The following TRDN variants were observed in gnomAD, a reference collection of about 807,000 sequenced individuals.
The protein encoded by TRDN is triadin in skeletal muscle.
TRDN carries 161 observed loss-of-function variants against 149.7 expected under a neutral mutation model. The observed-to-expected ratio is 1.08, with a 90% CI of 0.95 to 1.23. The LOEUF is 1.23. Among genes scored for constraint, TRDN ranks in the 50% most tolerant of loss-of-function variants. The probability of loss-of-function intolerance (pLI) is 0.00; values close to 1 mark genes in which losing one functional copy is unlikely to be tolerated. For synonymous variants in TRDN, 294 were observed against 250.5 expected, an observed-to-expected ratio of 1.17 and a Z score of -1.64; for missense variants, 896 against 823.5, an observed-to-expected ratio of 1.09 and a Z score of -1.08.
intron 38 of TRDN, among the ~76,000 whole-genome samples, chr6:123,236,820 T>A (rs1238962404): frequency 9.2e-5 from 14 of 152,112 alleles, no homozygotes; most frequent in Admixed American, 9.2e-4. Flanking sequence ...GCAAATCCCA[T>A]ACTCTTGTGA....
chr6:123,398,389 T>C (rs981333630), intron 12 of TRDN, among the ~76,000 whole-genome samples: 5 of 152,208 alleles, frequency 3.3e-5, no homozygotes, highest in Non-Finnish European at 1.5e-5. Context: ...AATTCATGTT[T>C]ATTAATTCAG....
chr6:123,310,891 G>A (rs2114688426), intron 24 of TRDN, among the ~76,000 whole-genome samples: 1 of 152,036 alleles, frequency 6.6e-6, no homozygotes, highest in South Asian at 2.1e-4. Context: ...AGCAGGAAGG[G>A]ACAAGTTAAC....
chr6:123,332,015 T>C (rs180940797), intron 22 of TRDN, 86 bp from the exon 23 acceptor site: 7 of 1,034,852 alleles, frequency 6.8e-6, no homozygotes, highest in Non-Finnish European at 6.9e-6. Context: ...GCTGAAAGTA[T>C]CAGTAAGCTG....
In TRDN at chr6:123,218,067, T is replaced by C. The variant is rs972259945; in HGVS notation, c.*534A>G. On this transcript the variant is annotated 3_prime_UTR_variant, in exon 41 of 41. Coordinates refer to ENST00000334268, the MANE Select transcript of TRDN (RefSeq NM_006073.4). ...CTGTAGTACAACTATTACCCATTCTTAGAGCAAAGCCACAACTAAAATAGA... is the reference window on the plus strand; with the variant it reads ...CTGTAGTACAACTATTACCCATTCTCAGAGCAAAGCCACAACTAAAATAGA... 8 of 151,966 alleles carry C rather than the reference T, an allele frequency of 5.3e-5. No individual in the cohort carries two copies. Among genetic ancestry groups the C allele is most frequent in the Non-Finnish European group, 1.0e-4 (7 of 67,978 alleles). 9.4% of individuals were successfully genotyped at this position (151,966 alleles called of 1,614,324 possible).
chr6:123,396,947 C>T (rs1772755544), intron 12 of TRDN, among the ~76,000 whole-genome samples: 1 of 151,920 alleles, frequency 6.6e-6, no homozygotes, highest in Non-Finnish European at 1.5e-5. Flanking sequence ...CTGTCAGCAG[C>T]CAGAATTGGT....
chr6:123,374,675 C>T (rs929021511), intron 19 of TRDN, among the ~76,000 whole-genome samples: 1 of 151,950 alleles, frequency 6.6e-6, no homozygotes, highest in African/African-American at 2.4e-5. Flanking sequence ...ACTTGGGAGG[C>T]TTAGGCAGGA....
At chr6:123,436,829 G>A (rs1242743938) in intron 12 of TRDN, among the ~76,000 whole-genome samples, 1 of 152,040 alleles carries the variant, frequency 6.6e-6, no homozygotes, top group Admixed American at 6.6e-5. Context: ...TAATAGCTGA[G>A]AGGAATTAGG....
chr6:123,231,524 G>A (rs532095288), intron 38 of TRDN, among the ~76,000 whole-genome samples: 7 of 152,018 alleles, frequency 4.6e-5, no homozygotes, highest in African/African-American at 1.7e-4. Context: ...ACCTACAATA[G>A]GTATAGAAAA....
intron 2 of TRDN, among the ~76,000 whole-genome samples, chr6:123,558,507 C>T (rs918229064): frequency 6.6e-6 from 1 of 152,132 alleles, no homozygotes; most frequent in Non-Finnish European, 1.5e-5. Flanking sequence ...TATCCCAAAT[C>T]AGTCAGCATT....
intron 26 of TRDN, among the ~76,000 whole-genome samples, chr6:123,277,874 C>CA (rs1277695799): frequency 6.6e-6 from 1 of 152,086 alleles, no homozygotes; most frequent in Non-Finnish European, 1.5e-5. Flanking sequence ...AATTATGAAA[C>CA]ATTAAACAAA....
chr6:123,506,701 C>T (rs566872997), intron 7 of TRDN, among the ~76,000 whole-genome samples: 1 of 151,984 alleles, frequency 6.6e-6, no homozygotes, highest in Admixed American at 6.6e-5. Flanking sequence ...GTTGGCCAGG[C>T]TGGTCTTGAA....
intron 9 of TRDN, among the ~76,000 whole-genome samples, chr6:123,481,585 A>G: frequency 6.6e-6 from 1 of 152,100 alleles, no homozygotes; most frequent in East Asian, 1.9e-4. Context: ...CCCACTTCAC[A>G]GGGCTTTGTG....
chr6:123,300,550 T>C (rs769482863), intron 24 of TRDN, among the ~76,000 whole-genome samples: 1 of 151,918 alleles, frequency 6.6e-6, no homozygotes, highest in Non-Finnish European at 1.5e-5. Flanking sequence ...ATTGTACCTG[T>C]CATAGACTGG....
chr6:123,604,832 CA>C (rs1784451510), intron 1 of TRDN, among the ~76,000 whole-genome samples: 1 of 86,298 alleles, frequency 1.2e-5, no homozygotes, highest in African/African-American at 3.9e-5. Flanking sequence ...GGTAAATAAA[CA>C]GACAGTGGTG....
rs951160318 is a variant in TRDN at position 123,497,377 on chromosome 6, T to C, written c.794-125A>G. ...CTATTTTGGTTACTACAATATTTTCTGTAAAAAAAATAATTTGCACTTATA... is the reference window on the plus strand; with the variant it reads ...CTATTTTGGTTACTACAATATTTTCCGTAAAAAAAATAATTTGCACTTATA... On this transcript the variant is annotated intron_variant, in intron 8 of 40. Transcript: ENST00000334268. 5.3e-6 allele frequency: 3 copies of C among 568,860 alleles called. No homozygotes were observed. The Admixed American group carries it at 1.2e-4, about 23-fold the overall frequency. The allele number at this position is 568,860 out of a possible 1,614,324, so 35.2% of individuals were successfully genotyped here.
chr6:123,541,909 C>G (rs957476189), intron 4 of TRDN, among the ~76,000 whole-genome samples: 3 of 152,134 alleles, frequency 2.0e-5, no homozygotes, highest in Non-Finnish European at 4.4e-5. Flanking sequence ...CCATCTTACT[C>G]CCGATGACAT....
intron 24 of TRDN, among the ~76,000 whole-genome samples, chr6:123,315,027 A>G (rs1778973350): frequency 6.6e-6 from 1 of 152,000 alleles, no homozygotes; most frequent in Non-Finnish European, 1.5e-5. Context: ...CAATAATAAA[A>G]TAGACATAAA....
At chr6:123,357,349 A>T (rs1264480800) in intron 20 of TRDN, among the ~76,000 whole-genome samples, 1 of 152,106 alleles carries the variant, frequency 6.6e-6, no homozygotes, top group African/African-American at 2.4e-5. Context: ...GTGGTTTTCC[A>T]GGAAAAGGAG....
intron 20 of TRDN, among the ~76,000 whole-genome samples, chr6:123,362,071 T>C (rs779322782): frequency 6.6e-6 from 1 of 152,206 alleles, no homozygotes; most frequent in African/African-American, 2.4e-5. Context: ...TCATTGTTAT[T>C]AAGAATATTA....
Sources: gnomAD v4.1 joint callset for allele counts (sites outside exome capture counted in the v4.1 genomes callset) on GRCh38, gnomAD v4.1.1 for gene constraint, MANE v1.5 for transcripts, NCBI Gene and HGNC (gene_info 2026-07-23, HGNC 2026-07-21) for gene names.